Variants in NPPC observed in about 807,000 individuals in gnomAD.
NPPC encodes the protein natriuretic peptide C, also known as C-type natriuretic peptide.
In NPPC, 4 loss-of-function variants were observed where a neutral mutation model predicts 10.2. That is an observed-to-expected ratio of 0.39 (90% confidence interval 0.19 to 0.90). The LOEUF (loss-of-function observed/expected upper bound fraction) is 0.90. Ranked by LOEUF, NPPC falls within the 40% of genes least tolerant of loss-of-function variation. The probability of loss-of-function intolerance (pLI) is 0.37; values close to 1 mark genes in which losing one functional copy is unlikely to be tolerated. For synonymous variants in NPPC, 83 were observed against 87.3 expected (o/e 0.95, Z 0.27); for missense variants, 182 against 173.8 (o/e 1.05, Z -0.26).
intron 2 of NPPC, among the ~76,000 whole-genome samples, chr2:231,924,708 C>G (rs1386835786): frequency 6.6e-6 from 1 of 152,186 alleles, no homozygotes; most frequent in African/African-American, 2.4e-5. Context: ...AGAAACGGAG[C>G]CCAGAGCACC....
chr2:231,925,722 G>T lies in NPPC; in HGVS notation c.91-7C>A. 2.6e-6 allele frequency: 4 copies of T among 1,549,014 alleles called. No homozygotes were observed. Among genetic ancestry groups the T allele is most frequent in the East Asian group, 2.3e-5 (1 of 43,150 alleles). On this transcript the variant is annotated splice_region_variant and splice_polypyrimidine_tract_variant and intron_variant, in intron 1 of 2. Coordinates refer to ENST00000409852, the MANE Select transcript of NPPC (RefSeq NM_024409.4). ...CCGGCGGGGTTCGCGGGACCTGTCC[G>T]AGGAAAGAGCGGGCAGGTGAAGGGA...
At chr2:231,924,556 C>A (rs1276277484) in intron 2 of NPPC, among the ~76,000 whole-genome samples, 1 of 152,160 alleles carries the variant, frequency 6.6e-6, no homozygotes, top group Non-Finnish European at 1.5e-5. Context: ...TCAGTGGGCA[C>A]GGGCAGGCGG....
intron 2 of NPPC, among the ~76,000 whole-genome samples, chr2:231,923,786 T>G (rs2679162): frequency 0.75 from 113,989 of 152,196 alleles, 43,255 homozygotes; most frequent in Non-Finnish European, 0.79. Flanking sequence ...ACCACAGACA[T>G]CCAGGCCCAA....
intron 2 of NPPC, among the ~76,000 whole-genome samples, chr2:231,924,628 C>G (rs533309203): frequency 6.6e-6 from 1 of 152,050 alleles, no homozygotes; most frequent in Non-Finnish European, 1.5e-5. Context: ...ATTACCACCA[C>G]GCGGCACCCG....
intron 2 of NPPC, among the ~76,000 whole-genome samples, chr2:231,923,607 G>T (rs771912450): frequency 2.6e-5 from 4 of 152,202 alleles, no homozygotes; most frequent in Non-Finnish European, 5.9e-5. Context: ...AAAACAGCTG[G>T]TGTTGGGCGT....
In NPPC at chr2:231,925,442, T is replaced by C; in HGVS notation, c.364A>G (p.Ser122Gly). The change falls in exon 2 of 3, where the codon AGC (serine) becomes GGC (glycine). Residue 122 changes from serine (S) to glycine (G), a missense_variant. Coordinates refer to ENST00000409852, the MANE Select transcript of NPPC (RefSeq NM_024409.4). ...GCGCCGCACTAACATCCCAGGCCGC[T>C]CATGGAGCCGATTCGGTCCAGCTTG... ...GLKLDRIGSMSGLGC is the reference protein window; with the variant it reads ...GLKLDRIGSMGGLGC 1 of 1,606,924 alleles carries C rather than the reference T, an allele frequency of 6.2e-7. No individual in the cohort carries two copies. Among genetic ancestry groups the C allele is most frequent in the Non-Finnish European group, 8.5e-7 (1 of 1,176,888 alleles).
At chr2:231,924,173 C>T (rs1015467045) in intron 2 of NPPC, among the ~76,000 whole-genome samples, 1 of 152,234 alleles carries the variant, frequency 6.6e-6, no homozygotes, top group Non-Finnish European at 1.5e-5. Context: ...GTGCTGGTTT[C>T]TCTGGTCATT....
At chr2:231,924,680 G>A (rs1298237112) in intron 2 of NPPC, among the ~76,000 whole-genome samples, 1 of 152,216 alleles carries the variant, frequency 6.6e-6, no homozygotes, top group Admixed American at 6.5e-5. Flanking sequence ...GCCCTAGTGC[G>A]GGGTGAGACC....
chr2:231,926,199 G>A lies in NPPC; in HGVS notation c.51C>T (p.Ser17=), dbSNP rs746342808. 5 of 1,331,684 alleles carry A rather than the reference G, an allele frequency of 3.8e-6. No individual in the cohort carries two copies. In the African/African-American group the frequency reaches 6.1e-5, roughly 16 times the overall value. The allele number at this position is 1,331,684 out of a possible 1,614,324, so 82.5% of individuals were successfully genotyped here. Residue 17 remains serine (S), a synonymous_variant, in exon 1 of 3, where the codon TCC becomes TCT. Transcript: ENST00000409852. ...CGGGCTTGGCTTCGGAGGGCCGGAG[G>A]GAGAGCAGCGTGAGCAGCAGGGCGC... The part of the protein sequence containing the change: ...LACALLLTLL[S]LRPSEAKPGA...
chr2:231,924,245 C>T (rs937302685), intron 2 of NPPC, among the ~76,000 whole-genome samples: 17 of 152,242 alleles, frequency 1.1e-4, no homozygotes, highest in African/African-American at 4.1e-4. Flanking sequence ...TAGGCCAGCA[C>T]TTCGCCCTTA....
Position 231,925,506 on chromosome 2 carries a change from T to G in NPPC, c.300A>C (p.Gly100=). The part of the protein sequence containing the change: ...QEHPNARKYK[G]ANKKGLSKGC... Reference sequence around the variant, plus strand: ...CCTTGGACAAGCCCTTCTTGTTGGCTCCTTTGTATTTGCGCGCGTTGGGGT... The same window carrying G: ...CCTTGGACAAGCCCTTCTTGTTGGCGCCTTTGTATTTGCGCGCGTTGGGGT... The change falls in exon 2 of 3, where the codon GGA becomes GGC. Residue 100 remains glycine (G), a synonymous_variant. Coordinates refer to ENST00000409852, the MANE Select transcript of NPPC (RefSeq NM_024409.4). 1 of 1,613,080 alleles carries G rather than the reference T, an allele frequency of 6.2e-7. No individual in the cohort carries two copies.
At chr2:231,923,374 G>A (rs905710492) in intron 2 of NPPC, among the ~76,000 whole-genome samples, 31 of 152,214 alleles carry the variant, frequency 2.0e-4, no homozygotes, top group Non-Finnish European at 1.9e-4. Flanking sequence ...CACCCACTGC[G>A]TGGAGAAACA....
intron 1 of NPPC, 135 bp downstream of exon 1, chr2:231,926,025 C>G: frequency 2.7e-6 from 2 of 729,748 alleles, no homozygotes; most frequent in Non-Finnish European, 3.9e-6. Context: ...GAGGGCTCCC[C>G]GGCTCTCGCC....
intron 2 of NPPC, among the ~76,000 whole-genome samples, 191 bp downstream of exon 2, chr2:231,925,214 T>C (rs913560189): frequency 6.6e-6 from 1 of 152,250 alleles, no homozygotes; most frequent in South Asian, 2.1e-4. Context: ...GAGCCGTTTC[T>C]GACCTTGCCA....
At chr2:231,923,033 C>A (rs1401101765) in intron 2 of NPPC, among the ~76,000 whole-genome samples, 1 of 152,172 alleles carries the variant, frequency 6.6e-6, no homozygotes, top group East Asian at 1.9e-4. Flanking sequence ...CAGTCATGGG[C>A]TCTGAGTGTT....
intron 2 of NPPC, 69 bp downstream of exon 2, chr2:231,925,336 C>G (rs1243228961): frequency 4.0e-5 from 54 of 1,342,006 alleles, no homozygotes; most frequent in Non-Finnish European, 5.0e-5. Flanking sequence ...CGCGCGCCTC[C>G]GAAGGCCGGC....
At chr2:231,925,807 G>C (rs1691998956) in intron 1 of NPPC, 92 bp from the exon 2 acceptor site, 2 of 1,371,762 alleles carry the variant, frequency 1.5e-6, no homozygotes, top group Non-Finnish European at 9.5e-7. Context: ...CCGGCGCGGG[G>C]TGTCCCTCCC....
Position 231,926,360 on chromosome 2 carries a change from G to C in NPPC, c.-111C>G. 3 of 642,004 alleles carry C rather than the reference G, an allele frequency of 4.7e-6. No individual in the cohort carries two copies. The highest frequency in any genetic ancestry group is 6.7e-6 in the Non-Finnish European group (3 of 447,904). The allele number at this position is 642,004 out of a possible 1,614,324, so 39.8% of individuals were successfully genotyped here. On this transcript the variant is annotated 5_prime_UTR_variant, in exon 1 of 3. Transcript: ENST00000409852. ...GCTGGCTGGGCTGCAGGGCGAGCAGGGTCCCAGTGCTGCGCGGCGCCGGCT... is the reference window on the plus strand; with the variant it reads ...GCTGGCTGGGCTGCAGGGCGAGCAGCGTCCCAGTGCTGCGCGGCGCCGGCT...
chr2:231,923,480 T>A (rs183523399), intron 2 of NPPC, among the ~76,000 whole-genome samples: 2 of 152,336 alleles, frequency 1.3e-5, no homozygotes, highest in East Asian at 3.9e-4. Context: ...ACCAGGAGCC[T>A]GCAGGAATGA....
Sources: allele counts gnomAD v4.1 joint callset (sites outside exome capture counted in the v4.1 genomes callset), GRCh38; gene constraint gnomAD v4.1.1; transcripts MANE v1.5; gene names NCBI Gene and HGNC (gene_info 2026-07-23, HGNC 2026-07-21).